NPSR1: variants seen among roughly 807,000 people sequenced by gnomAD.
The protein encoded by NPSR1 is neuropeptide S receptor.
Under a neutral mutation model 46.9 loss-of-function variants are expected in NPSR1, and 48 were observed. That is an observed-to-expected ratio of 1.02 (90% CI 0.81 to 1.30). The LOEUF (loss-of-function observed/expected upper bound fraction) is 1.30. Among genes scored for constraint, NPSR1 ranks in the 50% most tolerant of loss-of-function variants. NPSR1 has a pLI of 0.00. For synonymous variants in NPSR1, 176 were observed against 168.1 expected (o/e 1.05, Z -0.36); for missense variants, 450 against 449.5 (o/e 1.00, Z -0.01).
chr7:34,875,363 T>C (rs548453875), intron 8 of NPSR1, among the ~76,000 whole-genome samples: 1 of 152,202 alleles, frequency 6.6e-6, no homozygotes, highest in Non-Finnish European at 1.5e-5. Flanking sequence ...CCCAGATGAT[T>C]CCCACACATT....
chr7:34,733,531 T>A (rs1477942099), intron 2 of NPSR1, among the ~76,000 whole-genome samples: 2 of 152,224 alleles, frequency 1.3e-5, no homozygotes, highest in Admixed American at 1.3e-4. Flanking sequence ...TTCAAATTTT[T>A]AGGAAATATT....
intron 4 of NPSR1, among the ~76,000 whole-genome samples, chr7:34,823,399 G>GAA (rs577186339): frequency 0.018 from 1,226 of 68,182 alleles, 55 homozygotes; most frequent in African/African-American, 0.052. Context: ...GACTTCACCA[G>GAA]AAAAAAAAAA....
chr7:34,667,579 C>T (rs1791814270), intron 1 of NPSR1, among the ~76,000 whole-genome samples: 1 of 152,246 alleles, frequency 6.6e-6, no homozygotes, highest in African/African-American at 2.4e-5. Flanking sequence ...GACTCTCCAC[C>T]CACCCAGGCT....
At chr7:34,778,670 C>G in intron 3 of NPSR1, 105 bp downstream of exon 3, 1 of 671,928 alleles carries the variant, frequency 1.5e-6, no homozygotes, top group Non-Finnish European at 2.6e-6. Flanking sequence ...ATGCATCAAA[C>G]TGCCCGCTTT....
intron 2 of NPSR1, among the ~76,000 whole-genome samples, chr7:34,716,423 G>T (rs1783572676): frequency 1.3e-5 from 2 of 152,204 alleles, no homozygotes; most frequent in South Asian, 4.1e-4. Flanking sequence ...TACATATTGG[G>T]AGCAGGATGA....
chr7:34,747,989 T>C (rs1178648655), intron 2 of NPSR1, among the ~76,000 whole-genome samples: 2 of 152,190 alleles, frequency 1.3e-5, no homozygotes, highest in Non-Finnish European at 2.9e-5. Flanking sequence ...CCAGTCATGT[T>C]TACTGTGCAG....
chr7:34,681,906 A>C (rs1792657971), intron 1 of NPSR1, among the ~76,000 whole-genome samples: 1 of 152,206 alleles, frequency 6.6e-6, no homozygotes, highest in African/African-American at 2.4e-5. Context: ...GGAACCATGG[A>C]TAGGGTGATT....
chr7:34,704,385 T>G (rs897509171), intron 2 of NPSR1, among the ~76,000 whole-genome samples: 13 of 152,292 alleles, frequency 8.5e-5, no homozygotes, highest in Non-Finnish European at 1.6e-4. Flanking sequence ...CTGTCTTTTT[T>G]TAATTTCTAC....
chr7:34,684,685 G>T lies in NPSR1; in HGVS notation c.280+1G>T. The T allele has an allele frequency of 6.2e-7, 1 of 1,608,786 alleles. No individual in the cohort carries two copies. Among genetic ancestry groups the T allele is most frequent in the Non-Finnish European group, 8.5e-7 (1 of 1,177,602 alleles). ...TTTGTGACTCAGCTGGCCATCACAG[G>T]TAAGTAACTATGCAAGTGAGAGGCA... On this transcript the variant is annotated splice_donor_variant, in intron 2 of 8. Transcript: ENST00000360581. LOFTEE classifies it high-confidence loss of function.
At chr7:34,781,241 A>T (rs1787216211) in intron 3 of NPSR1, among the ~76,000 whole-genome samples, 2 of 152,118 alleles carry the variant, frequency 1.3e-5, no homozygotes, top group African/African-American at 4.8e-5. Flanking sequence ...TGAATGGGGG[A>T]ATTAATAGTT....
downstream of NPSR1, among the ~76,000 whole-genome samples, chr7:34,854,291 ATGG>A (rs1431779795): frequency 6.6e-6 from 1 of 152,222 alleles, no homozygotes; most frequent in Non-Finnish European, 1.5e-5. Flanking sequence ...ACATAGGAAG[ATGG>A]TGGTTTTTTT....
At chr7:34,827,629 AC>A in intron 5 of NPSR1, 27 bp downstream of exon 5, 5 of 304,064 alleles carry the variant, frequency 1.6e-5, no homozygotes, top group South Asian at 5.6e-5. Context: ...ACAGGACCAC[AC>A]GGGGGGGTGG....
At chr7:34,864,345 C>T (rs549586716) in intron 8 of NPSR1, among the ~76,000 whole-genome samples, 1 of 146,814 alleles carries the variant, frequency 6.8e-6, no homozygotes, top group South Asian at 2.2e-4. Flanking sequence ...ACGTTCTGCA[C>T]ATGTATCCCA....
intron 1 of NPSR1, chr7:34,660,135 C>T (rs1791384033): frequency 2.2e-6 from 1 of 456,624 alleles, no homozygotes; most frequent in Admixed American, 2.3e-5. Context: ...ACATCATCGC[C>T]AGACACTAAA....
chr7:34,877,787 C>T (rs536225825), intron 8 of NPSR1, among the ~76,000 whole-genome samples: 126 of 152,288 alleles, frequency 8.3e-4, no homozygotes, highest in Non-Finnish European at 1.6e-3. Flanking sequence ...ATGCTGTCCA[C>T]ATTCAGCTGG....
At chr7:34,693,090 T>C (rs1454186406) in intron 2 of NPSR1, among the ~76,000 whole-genome samples, 1 of 152,160 alleles carries the variant, frequency 6.6e-6, no homozygotes, top group African/African-American at 2.4e-5. Context: ...TCTCTCTCTC[T>C]TGATTCTTCT....
intron 2 of NPSR1, chr7:34,750,565 C>T (rs1785468039): frequency 1.4e-6 from 1 of 697,198 alleles, no homozygotes; most frequent in East Asian, 2.7e-5. Context: ...CAATCCCATC[C>T]AAACCTCTGG....
intron 4 of NPSR1, among the ~76,000 whole-genome samples, chr7:34,813,154 A>G (rs1369560050): frequency 6.6e-6 from 1 of 152,192 alleles, no homozygotes; most frequent in Non-Finnish European, 1.5e-5. Context: ...CTACAATAGC[A>G]GGAATTCATC....
At chr7:34,837,043 T>C (rs1210331567) in intron 6 of NPSR1, among the ~76,000 whole-genome samples, 2 of 151,788 alleles carry the variant, frequency 1.3e-5, no homozygotes, top group Non-Finnish European at 2.9e-5. Flanking sequence ...AGACAGATGA[T>C]AGCTAGAGAG....
Sources: allele counts gnomAD v4.1 joint callset (sites outside exome capture counted in the v4.1 genomes callset), GRCh38; gene constraint gnomAD v4.1.1; transcripts MANE v1.5; gene names NCBI Gene and HGNC (gene_info 2026-07-23, HGNC 2026-07-21).